The following PSMA3 variants were observed in gnomAD, a reference collection of about 807,000 sequenced individuals.
PSMA3 encodes the protein proteasome 20S subunit alpha 3, also known as proteasome subunit alpha type-3.
In PSMA3, 8 loss-of-function variants were observed where a neutral mutation model predicts 40.0. The ratio of observed to expected loss-of-function variants is 0.20; its 90% CI spans 0.12 to 0.36. The LOEUF (loss-of-function observed/expected upper bound fraction) is 0.36, where lower values mean the gene tolerates loss of function less well. Ranked by LOEUF, PSMA3 falls within the 10% of genes least tolerant of loss-of-function variation. The probability of loss-of-function intolerance (pLI) is 1.00; values close to 1 mark genes in which losing one functional copy is unlikely to be tolerated. For missense variants in PSMA3, 219 were observed against 310.6 expected (o/e 0.70, Z 2.22); for synonymous variants, 110 against 100.0 (o/e 1.10, Z -0.59).
intron 3 of PSMA3, 86 bp downstream of exon 3, chr14:58,252,328 A>G: frequency 2.0e-6 from 3 of 1,481,402 alleles, no homozygotes; most frequent in Non-Finnish European, 2.7e-6. Flanking sequence ...TGCAGTCACA[A>G]AAGTAATCAG....
intron 10 of PSMA3, 143 bp from the exon 11 acceptor site, chr14:58,271,708 G>A: frequency 1.5e-6 from 1 of 648,852 alleles, no homozygotes. Context: ...CTTTGCTTGG[G>A]TATCTTATTC....
At chr14:58,267,275 T>C in intron 7 of PSMA3, 199 bp from the exon 8 acceptor site, 3 of 992,384 alleles carry the variant, frequency 3.0e-6, no homozygotes, top group Non-Finnish European at 3.8e-6. Context: ...GTGCTGGGAT[T>C]ACAGGCACAA....
At chr14:58,268,957 T>TG (rs1052819115) in intron 8 of PSMA3, 4 of 152,084 alleles carry the variant, frequency 2.6e-5, no homozygotes, top group Admixed American at 2.6e-4. Flanking sequence ...TTTTTTGAGA[T>TG]GGAGTCTCAC....
intron 8 of PSMA3, among the ~76,000 whole-genome samples, chr14:58,269,354 C>T (rs923467784): frequency 1.3e-5 from 2 of 151,924 alleles, no homozygotes; most frequent in African/African-American, 2.4e-5. Flanking sequence ...ATAAAATGGA[C>T]AAGGAGCTTA....
chr14:58,266,819 T>G (rs1376507210), intron 7 of PSMA3: 2 of 152,336 alleles, frequency 1.3e-5, no homozygotes, highest in East Asian at 3.9e-4. Flanking sequence ...TAGTAAATAT[T>G]AATGACTTGT....
intron 3 of PSMA3, among the ~76,000 whole-genome samples, chr14:58,254,340 A>ATGTATG (rs1555352266): frequency 2.9e-5 from 1 of 34,806 alleles, no homozygotes. Context: ...ATGCATATAT[A>ATGTATG]TATGTATGTA....
chr14:58,271,144 G>T, intron 10 of PSMA3, 146 bp downstream of exon 10: 1 of 470,912 alleles, frequency 2.1e-6, no homozygotes, highest in Non-Finnish European at 3.8e-6. Context: ...ATTATGTGTT[G>T]AATAATATAA....
chr14:58,258,021 C>T, intron 5 of PSMA3, 23 bp downstream of exon 5: 1 of 1,558,566 alleles, frequency 6.4e-7, no homozygotes, highest in African/African-American at 1.4e-5. Flanking sequence ...GTGAATTATT[C>T]AAAAGGCAGA....
chr14:58,255,699 G>A (rs906713074), intron 3 of PSMA3, among the ~76,000 whole-genome samples: 3 of 152,134 alleles, frequency 2.0e-5, no homozygotes, highest in African/African-American at 4.8e-5. Context: ...AACCTGGGAG[G>A]TGGAGGTTGC....
At chr14:58,263,913 T>C (rs1261176562) in intron 7 of PSMA3, 143 bp downstream of exon 7, 6 of 666,328 alleles carry the variant, frequency 9.0e-6, no homozygotes, top group Admixed American at 2.8e-5. Context: ...ACACTAATGA[T>C]AGCTGATGAG....
chr14:58,262,002 C>G (rs1464581779), intron 6 of PSMA3, among the ~76,000 whole-genome samples: 1 of 151,906 alleles, frequency 6.6e-6, no homozygotes, highest in African/African-American at 2.4e-5. Flanking sequence ...TCTTGGTTCA[C>G]TGCAACCTCT....
chr14:58,269,538 G>C (rs1890549180), intron 8 of PSMA3: 1 of 150,612 alleles, frequency 6.6e-6, no homozygotes, highest in Admixed American at 6.6e-5. Context: ...GTTCAAGCAA[G>C]TCTCCTGCCT....
intron 6 of PSMA3, chr14:58,263,454 GTA>G: frequency 3.1e-6 from 1 of 325,182 alleles, no homozygotes; most frequent in East Asian, 5.7e-5. Context: ...GTCTTAAAGT[GTA>G]TATGATTACA....
intron 9 of PSMA3, 56 bp from the exon 10 acceptor site, chr14:58,270,878 A>G: frequency 1.1e-5 from 16 of 1,415,952 alleles, no homozygotes; most frequent in Non-Finnish European, 1.6e-5. Flanking sequence ...GTATACTGCA[A>G]GTTACAATAT....
intron 7 of PSMA3, chr14:58,266,099 A>T (rs1027952733): frequency 1.3e-5 from 2 of 152,082 alleles, no homozygotes; most frequent in African/African-American, 4.8e-5. Context: ...TAGAACTTTT[A>T]GTCTTTTTCT....
intron 5 of PSMA3, among the ~76,000 whole-genome samples, chr14:58,259,517 G>A (rs1260528512): frequency 6.6e-6 from 1 of 152,052 alleles, no homozygotes; most frequent in Non-Finnish European, 1.5e-5. Context: ...GTTTCGCCAT[G>A]TTGGCCAGGC....
At chr14:58,247,877 T>C (rs1889913290) in intron 2 of PSMA3, 45 bp downstream of exon 2, 1 of 1,382,108 alleles carries the variant, frequency 7.2e-7, no homozygotes, top group African/African-American at 1.5e-5. Context: ...TTTTATTTTA[T>C]ATATTTTTGG....
chr14:58,248,386 T>A (rs1594822961), intron 2 of PSMA3, among the ~76,000 whole-genome samples: 1 of 152,142 alleles, frequency 6.6e-6, no homozygotes, highest in East Asian at 2.0e-4. Context: ...TGTGCCACCA[T>A]GCCCGGATAA....
chr14:58,256,059 G>T (rs1035348917), intron 3 of PSMA3, among the ~76,000 whole-genome samples: 1 of 152,034 alleles, frequency 6.6e-6, no homozygotes, highest in African/African-American at 2.4e-5. Flanking sequence ...TCACCATGTT[G>T]TCCAGGCTGG....
Sources: allele counts gnomAD v4.1 joint callset (sites outside exome capture counted in the v4.1 genomes callset), GRCh38; gene constraint gnomAD v4.1.1; transcripts MANE v1.5; gene names NCBI Gene and HGNC (gene_info 2026-07-23, HGNC 2026-07-21).